The following C10orf90 variants were observed in gnomAD, a reference collection of about 807,000 sequenced individuals.
C10orf90 encodes (E2-independent) E3 ubiquitin-conjugating enzyme FATS.
C10orf90 carries 56 observed loss-of-function variants against 62.5 expected under a neutral mutation model. That is an observed-to-expected ratio of 0.90 (90% confidence interval 0.72 to 1.12). The LOEUF (loss-of-function observed/expected upper bound fraction) is 1.12. Among genes scored for constraint, C10orf90 ranks in the 50% most tolerant of loss-of-function variants. C10orf90 has a pLI of 0.00. For synonymous variants in C10orf90, 386 were observed against 340.4 expected (o/e 1.13, Z -1.47); for missense variants, 970 against 880.4 (o/e 1.10, Z -1.29).
At chr10:126,481,293 A>G (rs1317026260) in intron 4 of C10orf90, among the ~76,000 whole-genome samples, 1 of 152,242 alleles carries the variant, frequency 6.6e-6, no homozygotes, top group Admixed American at 6.5e-5. Context: ...GGAAGTGTCT[A>G]TCTGTTGTCC....
intron 7 of C10orf90, among the ~76,000 whole-genome samples, chr10:126,452,900 T>C (rs1445454832): frequency 6.6e-6 from 1 of 152,120 alleles, no homozygotes; most frequent in Non-Finnish European, 1.5e-5. Flanking sequence ...TAGCCCCAAA[T>C]ATTTATTAAA....
In C10orf90 at chr10:126,549,855, T is replaced by C. The variant is rs369957823; in HGVS notation, c.314-35916A>G. Among the ~76,000 whole-genome samples, 13 of 151,862 alleles carry C rather than the reference T, an allele frequency of 8.6e-5. No homozygotes were observed. In the South Asian group the frequency reaches 1.7e-3, roughly 19 times the overall value. On this transcript the variant is annotated intron_variant, in intron 2 of 9. Transcript: ENST00000488181. The stretch of plus-strand genomic sequence containing the variant: ...ACGCTCAACAAAAATAGACTAGTTA[T>C]ACATGCAACAACCTGAATGAACCTC...
chr10:126,484,050 T>C (rs1861297617), intron 4 of C10orf90, among the ~76,000 whole-genome samples: 1 of 152,202 alleles, frequency 6.6e-6, no homozygotes, highest in South Asian at 2.1e-4. Context: ...TCATTGCTGG[T>C]AGACCTTCTC....
intron 2 of C10orf90, among the ~76,000 whole-genome samples, chr10:126,607,854 T>C (rs1383023601): frequency 2.6e-5 from 4 of 152,208 alleles, no homozygotes; most frequent in African/African-American, 9.6e-5. Context: ...AAGTATTACA[T>C]GTCTATTATG....
chr10:126,456,062 C>T lies in C10orf90; in HGVS notation c.2188+2978G>A, dbSNP rs1374956179. Reference sequence around the variant, plus strand: ...AAATAGGAGTCTTCTTTTTAACAGACGCCTTGACACTGTAGCCAAAGCTCG... The same window carrying T: ...AAATAGGAGTCTTCTTTTTAACAGATGCCTTGACACTGTAGCCAAAGCTCG... On this transcript the variant is annotated intron_variant, in intron 7 of 9. Transcript: ENST00000488181. The surrounding 1 kb of genome is among the most constrained non-coding windows in gnomAD (Gnocchi z 4.9). Among the ~76,000 whole-genome samples the T allele has an allele frequency of 3.9e-5, 6 of 152,342 alleles. No individual in the cohort carries two copies. Among genetic ancestry groups the T allele is most frequent in the South Asian group, 2.1e-4 (1 of 4,828 alleles).
intron 2 of C10orf90, among the ~76,000 whole-genome samples, chr10:126,571,475 T>C (rs151046192): frequency 0.016 from 2,402 of 152,296 alleles, 60 homozygotes; most frequent in African/African-American, 0.054. Flanking sequence ...TACCTGTTGC[T>C]CTGCCACTGG....
At chr10:126,473,198 T>G (rs1297294138) in intron 4 of C10orf90, among the ~76,000 whole-genome samples, 2 of 152,094 alleles carry the variant, frequency 1.3e-5, no homozygotes, top group African/African-American at 2.4e-5. Flanking sequence ...AGGCTCCTAC[T>G]CTCTGACTAC....
chr10:126,630,640 G>A (rs1293402863), intron 2 of C10orf90, among the ~76,000 whole-genome samples: 1 of 152,138 alleles, frequency 6.6e-6, no homozygotes, highest in Non-Finnish European at 1.5e-5. Context: ...GCCCCCACAA[G>A]CACCATGGTG....
chr10:126,472,064 G>C (rs1860613272), intron 4 of C10orf90, among the ~76,000 whole-genome samples: 1 of 152,148 alleles, frequency 6.6e-6, no homozygotes, highest in Non-Finnish European at 1.5e-5. Flanking sequence ...CTTTCAGGAA[G>C]TAGAGTCCCA....
intron 4 of C10orf90, among the ~76,000 whole-genome samples, chr10:126,494,046 T>C (rs982750490): frequency 6.6e-6 from 1 of 152,184 alleles, no homozygotes; most frequent in Non-Finnish European, 1.5e-5. Flanking sequence ...AGGATATTTA[T>C]GAAGGTTCAG....
intron 2 of C10orf90, among the ~76,000 whole-genome samples, chr10:126,644,415 C>T (rs1437338919): frequency 1.3e-5 from 2 of 152,228 alleles, no homozygotes; most frequent in Non-Finnish European, 2.9e-5. Flanking sequence ...TGAGAGGGTG[C>T]CTTGGAGAAT....
chr10:126,450,628 T>C lies in C10orf90; in HGVS notation c.2188+8412A>G, dbSNP rs143902852. Reference sequence around the variant, plus strand: ...TCTTCAACAAATTGAGTTGGGAAGATTGGATATCCACATGCAGAAGAATGA... The same window carrying C: ...TCTTCAACAAATTGAGTTGGGAAGACTGGATATCCACATGCAGAAGAATGA... On this transcript the variant is annotated intron_variant, in intron 7 of 9. Transcript: ENST00000488181. 2.0e-5 allele frequency among the ~76,000 whole-genome samples: 3 copies of C among 152,266 alleles called. No homozygotes were observed. The East Asian group carries it at 5.8e-4, about 29-fold the overall frequency.
At chr10:126,540,390 G>A (rs1350113550) in intron 2 of C10orf90, among the ~76,000 whole-genome samples, 1 of 152,174 alleles carries the variant, frequency 6.6e-6, no homozygotes, top group African/African-American at 2.4e-5. Flanking sequence ...TGGGTGCAGT[G>A]GCTCATACCT....
intron 1 of C10orf90, among the ~76,000 whole-genome samples, chr10:126,648,761 G>A (rs1591173495): frequency 6.6e-6 from 1 of 151,948 alleles, no homozygotes; most frequent in East Asian, 1.9e-4. Flanking sequence ...GAGAGAAACT[G>A]GCATAGTGGA....
At chr10:126,439,795 G>A (rs902555177) in intron 7 of C10orf90, among the ~76,000 whole-genome samples, 1 of 152,078 alleles carries the variant, frequency 6.6e-6, no homozygotes, top group Non-Finnish European at 1.5e-5. Context: ...AATGAAGAAA[G>A]CTTATGGGAT....
At chr10:126,514,073 C>A in intron 2 of C10orf90, 134 bp from the exon 3 acceptor site, 1 of 635,330 alleles carries the variant, frequency 1.6e-6, no homozygotes, top group Admixed American at 3.1e-5. Context: ...GATAGTCTAA[C>A]CATGACAAAA....
chr10:126,481,721 T>G (rs1418346489), intron 4 of C10orf90, among the ~76,000 whole-genome samples: 1 of 152,140 alleles, frequency 6.6e-6, no homozygotes, highest in Non-Finnish European at 1.5e-5. Context: ...CCTTCCCTCC[T>G]ATCTCTCCCC....
At chr10:126,514,952 G>C (rs1459802970) in intron 2 of C10orf90, among the ~76,000 whole-genome samples, 1 of 152,202 alleles carries the variant, frequency 6.6e-6, no homozygotes, top group Non-Finnish European at 1.5e-5. Context: ...AATACTCTAG[G>C]GAAGGTGATT....
chr10:126,470,064 T>A (rs1262034676), intron 4 of C10orf90: 1 of 455,012 alleles, frequency 2.2e-6, no homozygotes, highest in East Asian at 7.0e-5. Context: ...GGAGGGAAGG[T>A]GTTCTTCTGC....
Sources: gnomAD v4.1 joint callset for allele counts (sites outside exome capture counted in the v4.1 genomes callset) on GRCh38, gnomAD v4.1.1 for gene constraint, Gnocchi (gnomAD v3.1) non-coding constraint, MANE v1.5 for transcripts, NCBI Gene and HGNC (gene_info 2026-07-23, HGNC 2026-07-21) for gene names.